Variants in OXR1 observed in about 807,000 individuals in gnomAD.
OXR1 encodes oxidation resistance 1, also known as oxidation resistance protein 1.
In OXR1, 41 loss-of-function variants were observed where a neutral mutation model predicts 104.6. The observed-to-expected ratio is 0.39, with a 90% CI of 0.31 to 0.51. The LOEUF (loss-of-function observed/expected upper bound fraction) is 0.51, where lower values mean the gene tolerates loss of function less well. OXR1 is among the 20% of genes least tolerant of loss of function. The pLI, the probability that OXR1 is intolerant of heterozygous loss-of-function variation, is 0.77. For synonymous variants in OXR1, 348 were observed against 348.4 expected, an observed-to-expected ratio of 1.00 and a Z score of 0.01; for missense variants, 955 against 1,031.9, an observed-to-expected ratio of 0.93 and a Z score of 1.02.
At chr8:106,591,013 T>A (rs1322164815) in intron 3 of OXR1, among the ~76,000 whole-genome samples, 1 of 151,564 alleles carries the variant, frequency 6.6e-6, no homozygotes, top group Non-Finnish European at 1.5e-5. Context: ...GAGCATCTGG[T>A]GAAGGGAAGG....
At chr8:106,667,048 T>C (rs1000101814) in intron 3 of OXR1, among the ~76,000 whole-genome samples, 5 of 152,194 alleles carry the variant, frequency 3.3e-5, no homozygotes, top group Non-Finnish European at 5.9e-5. Context: ...GGCTACCATA[T>C]TATACAAGGC....
chr8:106,387,437 C>T (rs1050627383), intron 2 of OXR1, among the ~76,000 whole-genome samples: 1 of 152,166 alleles, frequency 6.6e-6, no homozygotes, highest in Non-Finnish European at 1.5e-5. Context: ...CTAGGAGAAA[C>T]CTCATGCTAC....
intron 2 of OXR1, among the ~76,000 whole-genome samples, chr8:106,472,478 A>T (rs1314866743): frequency 6.6e-6 from 1 of 151,848 alleles, no homozygotes; most frequent in Non-Finnish European, 1.5e-5. Flanking sequence ...CAAATACTGT[A>T]CAGTCAGGCT....
At chr8:106,440,177 T>C (rs975969789) in intron 2 of OXR1, among the ~76,000 whole-genome samples, 7 of 152,120 alleles carry the variant, frequency 4.6e-5, no homozygotes, top group South Asian at 2.1e-4. Flanking sequence ...GGATGTTATA[T>C]AGATAATTGT....
chr8:106,610,352 G>A (rs1045818329), intron 3 of OXR1, among the ~76,000 whole-genome samples: 1 of 152,186 alleles, frequency 6.6e-6, no homozygotes, highest in African/African-American at 2.4e-5. Flanking sequence ...CATTCAGGAT[G>A]TGCCTCCTCC....
intron 1 of OXR1, chr8:106,272,234 A>T (rs1291002685): frequency 6.6e-6 from 1 of 152,242 alleles, no homozygotes; most frequent in Non-Finnish European, 1.5e-5. Flanking sequence ...GATCCGAAAC[A>T]GGACCGGCCC....
intron 2 of OXR1, among the ~76,000 whole-genome samples, chr8:106,390,115 C>T (rs538940258): frequency 1.3e-5 from 2 of 152,096 alleles, no homozygotes; most frequent in South Asian, 4.1e-4. Flanking sequence ...ATGATTTTTA[C>T]TTAATTATAA....
chr8:106,352,493 A>T (rs1051032131), intron 1 of OXR1, among the ~76,000 whole-genome samples: 5 of 152,212 alleles, frequency 3.3e-5, no homozygotes, highest in Admixed American at 1.3e-4. Flanking sequence ...CCACAAATAT[A>T]AACCGATATT....
chr8:106,645,403 GC>G lies in OXR1; in HGVS notation c.221-33804del, dbSNP rs1823994310. On this transcript the variant is annotated intron_variant, in intron 3 of 16. Transcript: ENST00000517566. ...AGGTGGGGCTGAGGTGCCTAGGCAT[GC>G]CCTGCTTCTCTCTTGAGAGGCAATT... 2.6e-5 allele frequency among the ~76,000 whole-genome samples: 4 copies of G among 152,266 alleles called. No individual in the cohort carries two copies. The South Asian group carries it at 8.3e-4, about 32-fold the overall frequency.
rs146699703 is a variant in OXR1, at chr8:106,357,944, C to T, written c.-138-1532C>T. 3.5e-3 allele frequency among the ~76,000 whole-genome samples: 538 copies of T among 152,134 alleles called. 4 individuals carry two copies. The highest frequency in any genetic ancestry group is 0.012 in the African/African-American group (514 of 41,512). The stretch of plus-strand genomic sequence containing the variant: ...GTATCCACTTCCCCACCTTCCTTAC[C>T]GACAGGCACTTTGGTTTACGGTTAG... On this transcript the variant is annotated intron_variant, in intron 1 of 16. Coordinates refer to ENST00000517566, the MANE Select transcript of OXR1 (RefSeq NM_001198533.2).
intron 1 of OXR1, chr8:106,272,394 A>G (rs1193597420): frequency 1.3e-5 from 2 of 152,278 alleles, no homozygotes; most frequent in Admixed American, 6.5e-5. Context: ...AGGGAGAGCA[A>G]GCACTGTACC....
At chr8:106,627,616 T>C (rs2130875285) in intron 3 of OXR1, among the ~76,000 whole-genome samples, 1 of 152,260 alleles carries the variant, frequency 6.6e-6, no homozygotes, top group East Asian at 1.9e-4. Context: ...ACCCAAATGT[T>C]TTTAGGGAAT....
chr8:106,618,240 C>T, intron 3 of OXR1: 2 of 1,343,438 alleles, frequency 1.5e-6, no homozygotes, highest in Non-Finnish European at 2.1e-6. Context: ...AAGTCAGATA[C>T]AGCGGACATT....
At chr8:106,532,906 CAG>C (rs1814201221) in intron 3 of OXR1, among the ~76,000 whole-genome samples, 1 of 152,148 alleles carries the variant, frequency 6.6e-6, no homozygotes, top group Non-Finnish European at 1.5e-5. Context: ...TCATAAATAT[CAG>C]AAACATCATG....
intron 16 of OXR1, 137 bp downstream of exon 16, chr8:106,745,999 A>G (rs1835366726): frequency 5.4e-6 from 3 of 555,370 alleles, no homozygotes; most frequent in Admixed American, 6.5e-5. Flanking sequence ...AGAGAGTATA[A>G]TGTATTTGCA....
chr8:106,434,191 G>A (rs1819478910), intron 2 of OXR1, among the ~76,000 whole-genome samples: 1 of 152,046 alleles, frequency 6.6e-6, no homozygotes. Flanking sequence ...ATTTGTTCTG[G>A]TGTTATATGC....
In OXR1 at chr8:106,706,362, T is replaced by C; in HGVS notation, c.861-20T>C. The C allele has an allele frequency of 6.6e-7, 1 of 1,522,482 alleles. No individual in the cohort carries two copies. Among genetic ancestry groups the C allele is most frequent in the Non-Finnish European group, 8.8e-7 (1 of 1,137,616 alleles). The allele number at this position is 1,522,482 out of a possible 1,614,324, so 94.3% of individuals were successfully genotyped here. On this transcript the variant is annotated intron_variant, in intron 8 of 16. Transcript: ENST00000517566. ...CACAATTTTAAAAGTCTAATTATTT[T>C]TAATTTTGTTTAATGACAGAGATAT...
intron 2 of OXR1, among the ~76,000 whole-genome samples, chr8:106,381,897 G>A (rs1817164680): frequency 6.6e-6 from 1 of 152,028 alleles, no homozygotes; most frequent in Non-Finnish European, 1.5e-5. Flanking sequence ...AATTCCAGGT[G>A]GCATATAAAA....
chr8:106,602,659 A>G (rs940006396), intron 3 of OXR1, among the ~76,000 whole-genome samples: 2 of 152,216 alleles, frequency 1.3e-5, no homozygotes, highest in African/African-American at 4.8e-5. Flanking sequence ...GGTGAACTTC[A>G]TATACATATG....
Sources: allele counts gnomAD v4.1 joint callset (sites outside exome capture counted in the v4.1 genomes callset), GRCh38; gene constraint gnomAD v4.1.1; transcripts MANE v1.5; gene names NCBI Gene and HGNC (gene_info 2026-07-23, HGNC 2026-07-21).